The following PPP1R12B variants were observed in gnomAD, a reference collection of about 807,000 sequenced individuals.
PPP1R12B encodes myosin phosphatase target subunit 2.
A neutral mutation model predicts 126.1 loss-of-function variants in PPP1R12B; 76 were observed. That is an observed-to-expected ratio of 0.60 (90% CI 0.50 to 0.73). PPP1R12B has a LOEUF of 0.73. PPP1R12B is among the 30% of genes least tolerant of loss of function. PPP1R12B has a pLI of 0.00. For synonymous variants in PPP1R12B, 356 were observed against 434.7 expected (o/e 0.82, Z 2.25); for missense variants, 1,052 against 1,205.1 (o/e 0.87, Z 1.88).
intron 18 of PPP1R12B, chr1:202,501,886 A>G (rs1680261422): frequency 2.0e-6 from 2 of 985,000 alleles, no homozygotes; most frequent in Non-Finnish European, 2.4e-6. Flanking sequence ...TTGACTTGCT[A>G]GTAGCATCTC....
intron 18 of PPP1R12B, among the ~76,000 whole-genome samples, chr1:202,510,428 T>G (rs1681316820): frequency 6.6e-6 from 1 of 152,194 alleles, no homozygotes; most frequent in Non-Finnish European, 1.5e-5. Flanking sequence ...GTAAAGGTCT[T>G]CCAAAGTGTT....
intron 13 of PPP1R12B, among the ~76,000 whole-genome samples, chr1:202,479,758 G>A (rs966229923): frequency 3.2e-4 from 48 of 152,276 alleles, no homozygotes; most frequent in African/African-American, 1.1e-3. Flanking sequence ...AGTGTCATCT[G>A]AACTAATTAG....
Position 202,525,384 on chromosome 1 carries a change from G to GA in PPP1R12B, c.2490+28573dup, listed in dbSNP as rs544599683. 9.5e-4 allele frequency among the ~76,000 whole-genome samples: 138 copies of GA among 145,424 alleles called. No individual in the cohort carries two copies. In the South Asian group the frequency reaches 0.012, roughly 13 times the overall value. On this transcript the variant is annotated intron_variant, in intron 18 of 23. Transcript: ENST00000608999. ...ATCTGGTGTCCTTTCCAGTGTGAGT[G>GA]AAAAAAAAAAATGTATCATGAAAGA...
At chr1:202,525,079 G>A (rs1370347851) in intron 18 of PPP1R12B, among the ~76,000 whole-genome samples, 17 of 152,004 alleles carry the variant, frequency 1.1e-4, no homozygotes. Context: ...GGGTTTCACT[G>A]TGTTAGCCAG....
In PPP1R12B at chr1:202,371,481, A is replaced by AGT. The variant is rs373210842; in HGVS notation, c.291+22358_291+22359dup. Among the ~76,000 whole-genome samples the AGT allele has an allele frequency of 6.6e-3, 985 of 148,492 alleles. 4 individuals are homozygous for AGT. Among genetic ancestry groups the AGT allele is most frequent in the African/African-American group, 0.017 (673 of 40,502 alleles). ...TTTCGCATATTTATTCATTATTTGG[A>AGT]GTGTGTGTGTGTGTGTGTGTCTGAT... On this transcript the variant is annotated intron_variant, in intron 1 of 23. Transcript: ENST00000608999.
At chr1:202,433,933 C>T (rs549603997) in intron 8 of PPP1R12B, among the ~76,000 whole-genome samples, 1 of 152,252 alleles carries the variant, frequency 6.6e-6, no homozygotes, top group Admixed American at 6.5e-5. Context: ...AACAGGCATT[C>T]ACATTCATTA....
chr1:202,416,615 G>A (rs543192169), intron 1 of PPP1R12B, among the ~76,000 whole-genome samples, 172 bp from the exon 2 acceptor site: 1 of 151,612 alleles, frequency 6.6e-6, no homozygotes. Context: ...ACATTTAAGC[G>A]CTTGCATAAG....
At chr1:202,438,675 G>T in intron 10 of PPP1R12B, 1 of 585,884 alleles carries the variant, frequency 1.7e-6, no homozygotes, top group Non-Finnish European at 3.1e-6. Flanking sequence ...CTTGTCCCAG[G>T]GCCGCCGGGT....
intron 11 of PPP1R12B, 67 bp from the exon 12 acceptor site, chr1:202,442,380 G>A: frequency 1.3e-6 from 2 of 1,547,344 alleles, no homozygotes. Flanking sequence ...TTCTCTCTCT[G>A]CATTGTATCA....
At chr1:202,411,046 G>A (rs1307460036) in intron 1 of PPP1R12B, among the ~76,000 whole-genome samples, 2 of 152,060 alleles carry the variant, frequency 1.3e-5, no homozygotes, top group African/African-American at 4.8e-5. Flanking sequence ...TAGAGGTATG[G>A]TGTTGAAGTT....
intron 18 of PPP1R12B, among the ~76,000 whole-genome samples, chr1:202,544,302 A>G (rs901900837): frequency 6.6e-6 from 1 of 152,162 alleles, no homozygotes; most frequent in South Asian, 2.1e-4. Flanking sequence ...TTTAATTACT[A>G]TGTATATTAT....
intron 1 of PPP1R12B, among the ~76,000 whole-genome samples, chr1:202,388,976 C>G (rs1415072088): frequency 1.3e-5 from 2 of 152,076 alleles, no homozygotes; most frequent in African/African-American, 4.8e-5. Context: ...CAGAAACAGA[C>G]TCAATTACAG....
chr1:202,534,370 T>C (rs866170023), intron 18 of PPP1R12B, among the ~76,000 whole-genome samples: 1 of 152,192 alleles, frequency 6.6e-6, no homozygotes, highest in African/African-American at 2.4e-5. Context: ...GAAACAATGA[T>C]CTGGGCACTA....
At chr1:202,520,197 A>T (rs762147074) in intron 18 of PPP1R12B, among the ~76,000 whole-genome samples, 3 of 152,196 alleles carry the variant, frequency 2.0e-5, no homozygotes, top group Non-Finnish European at 4.4e-5. Context: ...TTCTAGCCCA[A>T]CTCTCTTATT....
chr1:202,378,989 A>G (rs1316860914), intron 1 of PPP1R12B, among the ~76,000 whole-genome samples: 1 of 151,698 alleles, frequency 6.6e-6, no homozygotes, highest in African/African-American at 2.4e-5. Context: ...CTTTCTCTAT[A>G]TTCTTTCGTC....
intron 18 of PPP1R12B, among the ~76,000 whole-genome samples, chr1:202,550,804 G>A (rs984332867): frequency 6.6e-6 from 1 of 152,220 alleles, no homozygotes; most frequent in African/African-American, 2.4e-5. Flanking sequence ...GGCTGCAAAT[G>A]CATTTATGAA....
chr1:202,558,941 A>C (rs758577327), intron 19 of PPP1R12B, 48 bp downstream of exon 19: 4 of 1,518,674 alleles, frequency 2.6e-6, no homozygotes, highest in Non-Finnish European at 3.6e-6. Flanking sequence ...TTGTGAGTGA[A>C]TGCATGTCGA....
chr1:202,377,852 T>C (rs1163829719), intron 1 of PPP1R12B, among the ~76,000 whole-genome samples: 2 of 89,898 alleles, frequency 2.2e-5, no homozygotes, highest in Non-Finnish European at 5.1e-5. Context: ...TTTTTTTTTT[T>C]TTTTTTTGAG....
chr1:202,408,131 G>A (rs988107033), intron 1 of PPP1R12B, among the ~76,000 whole-genome samples: 19 of 152,108 alleles, frequency 1.2e-4, no homozygotes, highest in African/African-American at 4.6e-4. Context: ...AGTTCCCCAT[G>A]GATACTGAGG....
Sources: allele counts gnomAD v4.1 joint callset (sites outside exome capture counted in the v4.1 genomes callset), GRCh38; gene constraint gnomAD v4.1.1; transcripts MANE v1.5; gene names NCBI Gene and HGNC (gene_info 2026-07-23, HGNC 2026-07-21).